Variants in N4BP2L2 observed in about 807,000 individuals in gnomAD.
N4BP2L2 encodes NEDD4-binding protein 2-like 2.
Under a neutral mutation model 56.2 loss-of-function variants are expected in N4BP2L2, and 50 were observed. The observed-to-expected ratio is 0.89, with a 90% CI of 0.71 to 1.13. The LOEUF is 1.13. Among genes scored for constraint, N4BP2L2 ranks in the 50% most tolerant of loss-of-function variants. The pLI is 0.00. For missense variants in N4BP2L2, 689 were observed against 693.8 expected (o/e 0.99, Z 0.08); for synonymous variants, 203 against 223.6 (o/e 0.91, Z 0.82).
chr13:32,487,394 T>C (rs1290956213), intron 6 of N4BP2L2, among the ~76,000 whole-genome samples: 1 of 149,980 alleles, frequency 6.7e-6, no homozygotes, highest in Non-Finnish European at 1.5e-5. Flanking sequence ...AAGGATCACC[T>C]GAGCCCAGGG....
At chr13:32,461,749 T>G (rs1462599126) in intron 6 of N4BP2L2, among the ~76,000 whole-genome samples, 1 of 152,144 alleles carries the variant, frequency 6.6e-6, no homozygotes, top group Non-Finnish European at 1.5e-5. Flanking sequence ...ACTACAGGTG[T>G]GCACCGTCAT....
At position 32,536,480 on chromosome 13, in the gene N4BP2L2, T is replaced by TC; in HGVS notation, c.547dup (p.Glu183GlyfsTer8). 1.2e-6 allele frequency: 2 copies of TC among 1,612,746 alleles called. No individual in the cohort carries two copies. The highest frequency in any genetic ancestry group is 2.2e-5 in the South Asian group (2 of 90,642). ...GTTCTCAAAACCATCTTTTTCCTTTTCAAGCTCTTCAATTTCTTTGTAAAA... is the reference window on the plus strand; with the variant it reads ...GTTCTCAAAACCATCTTTTTCCTTTTCCAAGCTCTTCAATTTCTTTGTAAAA... On this transcript the variant is annotated frameshift_variant, in exon 2 of 6. Coordinates refer to ENST00000267068, the Ensembl canonical transcript of N4BP2L2. LOFTEE classifies it high-confidence loss of function.
At chr13:32,474,502 C>T (rs962568075) in intron 6 of N4BP2L2, among the ~76,000 whole-genome samples, 18 of 150,408 alleles carry the variant, frequency 1.2e-4, no homozygotes, top group Non-Finnish European at 2.2e-4. Flanking sequence ...TCAGTCTGGC[C>T]GACACGGTGA....
intron 7 of N4BP2L2, among the ~76,000 whole-genome samples, chr13:32,440,769 G>T (rs938960696): frequency 1.3e-5 from 2 of 151,434 alleles, no homozygotes; most frequent in Non-Finnish European, 2.9e-5. Context: ...GGCCCAAAAA[G>T]AAATTTAGTT....
chr13:32,453,125 G>C (rs574818012), intron 6 of N4BP2L2, among the ~76,000 whole-genome samples: 18 of 152,270 alleles, frequency 1.2e-4, no homozygotes, highest in Non-Finnish European at 2.1e-4. Context: ...CGAGCATGGT[G>C]GTGGGCGCCT....
At chr13:32,434,474 A>G (rs2075250580) in intron 9 of N4BP2L2, among the ~76,000 whole-genome samples, 1 of 152,022 alleles carries the variant, frequency 6.6e-6, no homozygotes, top group Admixed American at 6.5e-5. Context: ...ACAAATTAAG[A>G]AACTGAGACT....
intron 6 of N4BP2L2, among the ~76,000 whole-genome samples, chr13:32,481,459 C>T (rs1372582583): frequency 1.3e-5 from 2 of 152,136 alleles, no homozygotes; most frequent in Admixed American, 1.3e-4. Flanking sequence ...TAACTCAAAT[C>T]ACTTTCTCTC....
intron 9 of N4BP2L2, among the ~76,000 whole-genome samples, chr13:32,434,396 C>A (rs900496302): frequency 2.0e-5 from 3 of 151,922 alleles, no homozygotes; most frequent in African/African-American, 7.3e-5. Flanking sequence ...CCGTGCCCGG[C>A]CAGTTTTTTC....
intron 6 of N4BP2L2, among the ~76,000 whole-genome samples, chr13:32,499,556 C>T (rs798266): frequency 0.32 from 47,924 of 152,046 alleles, 8,175 homozygotes; most frequent in East Asian, 0.46. Flanking sequence ...AAGTCTTCTT[C>T]TGGGCCTATT....
chr13:32,483,115 A>C (rs1392735958), intron 6 of N4BP2L2, among the ~76,000 whole-genome samples: 1 of 152,210 alleles, frequency 6.6e-6, no homozygotes, highest in Non-Finnish European at 1.5e-5. Flanking sequence ...CCCAGCACTA[A>C]TGTTTATTAG....
At chr13:32,491,635 A>T (rs1983838) in intron 6 of N4BP2L2, among the ~76,000 whole-genome samples, 23,722 of 132,240 alleles carry the variant, frequency 0.18, 2,409 homozygotes, top group East Asian at 0.33. Flanking sequence ...ATATATATAT[A>T]TTTTTTTTTT....
At chr13:32,532,595 T>C (rs528766430) in intron 2 of N4BP2L2, among the ~76,000 whole-genome samples, 38 of 148,110 alleles carry the variant, frequency 2.6e-4, no homozygotes, top group Middle Eastern at 3.5e-3. Flanking sequence ...TTTTTCTTTT[T>C]TTTTTTTTTT....
At chr13:32,479,259 A>AATTATTT (rs149124733) in intron 6 of N4BP2L2, among the ~76,000 whole-genome samples, 8,619 of 151,898 alleles carry the variant, frequency 0.057, 830 homozygotes, top group African/African-American at 0.2. Context: ...ATCTTGAAGT[A>AATTATTT]ATTATTTATT....
chr13:32,490,319 TTGGAGA>T (rs1391872321), intron 6 of N4BP2L2, among the ~76,000 whole-genome samples: 1 of 152,134 alleles, frequency 6.6e-6, no homozygotes, highest in African/African-American at 2.4e-5. Context: ...TTTGTTTGTT[TTGGAGA>T]TGGAGTTTCG....
intron 6 of N4BP2L2, among the ~76,000 whole-genome samples, chr13:32,496,781 C>T (rs1015917953): frequency 6.6e-6 from 1 of 152,194 alleles, no homozygotes; most frequent in Admixed American, 6.5e-5. Context: ...TCCTGCTGAG[C>T]CCCACCTCTG....
intron 6 of N4BP2L2, chr13:32,477,904 G>A: frequency 7.8e-7 from 1 of 1,289,378 alleles, no homozygotes; most frequent in Non-Finnish European, 1.0e-6. Context: ...GAGATCAAAG[G>A]TTGAGAAAGT....
chr13:32,534,689 C>A (rs2056046876), intron 2 of N4BP2L2, among the ~76,000 whole-genome samples: 1 of 152,170 alleles, frequency 6.6e-6, no homozygotes, highest in Non-Finnish European at 1.5e-5. Context: ...TCTCTAGTGT[C>A]TTTTCTCTGA....
exon 7 of N4BP2L2, chr13:32,443,058 G>A (rs762895083): frequency 6.2e-7 from 1 of 1,607,128 alleles, no homozygotes; most frequent in Non-Finnish European, 8.5e-7. Context: ...GTACCAAATT[G>A]AAAATCCTTT....
chr13:32,483,703 TAC>T (rs2085244494), intron 6 of N4BP2L2, among the ~76,000 whole-genome samples: 1 of 152,210 alleles, frequency 6.6e-6, no homozygotes, highest in Non-Finnish European at 1.5e-5. Context: ...AATTTTATGC[TAC>T]AGTTTTTTGT....
Sources: allele counts gnomAD v4.1 joint callset (sites outside exome capture counted in the v4.1 genomes callset), GRCh38; gene constraint gnomAD v4.1.1; transcripts MANE v1.5; gene names NCBI Gene and HGNC (gene_info 2026-07-23, HGNC 2026-07-21).